The following ELMO1 variants were observed in gnomAD, a reference collection of about 807,000 sequenced individuals.
ELMO1 encodes the protein engulfment and cell motility 1, also known as engulfment and cell motility protein 1.
ELMO1 carries 26 observed loss-of-function variants against 98.9 expected under a neutral mutation model. The observed-to-expected ratio is 0.26, with a 90% CI of 0.19 to 0.36. The LOEUF is 0.36. ELMO1 is among the 10% of genes least tolerant of loss of function. ELMO1 has a pLI of 1.00. For missense variants in ELMO1, 627 were observed against 935.2 expected, an observed-to-expected ratio of 0.67 and a Z score of 4.30; for synonymous variants, 346 against 346.0, an observed-to-expected ratio of 1.00 and a Z score of 0.00.
chr7:37,262,740 G>A (rs1173728561), intron 5 of ELMO1, among the ~76,000 whole-genome samples: 1 of 152,210 alleles, frequency 6.6e-6, no homozygotes, highest in Non-Finnish European at 1.5e-5. Context: ...GGTGGCGAGG[G>A]GACCATGATG....
chr7:37,398,592 C>A (rs961866821), intron 1 of ELMO1, among the ~76,000 whole-genome samples: 1 of 152,170 alleles, frequency 6.6e-6, no homozygotes, highest in Admixed American at 6.5e-5. Context: ...AGGAAACTAA[C>A]GGGCTGAAGT....
At chr7:37,297,609 GA>G (rs1343293493) in intron 4 of ELMO1, among the ~76,000 whole-genome samples, 182 of 136,606 alleles carry the variant, frequency 1.3e-3, no homozygotes, top group Middle Eastern at 3.5e-3. Flanking sequence ...AGCACTGCTT[GA>G]AAAAAAAAAA....
intron 16 of ELMO1, among the ~76,000 whole-genome samples, chr7:36,962,375 C>T (rs1172454426): frequency 6.6e-6 from 1 of 152,096 alleles, no homozygotes; most frequent in Non-Finnish European, 1.5e-5. Flanking sequence ...CAGGGGAATG[C>T]ATCATGAGAT....
chr7:37,170,984 T>A (rs950687872), intron 13 of ELMO1, among the ~76,000 whole-genome samples: 6 of 152,166 alleles, frequency 3.9e-5, no homozygotes, highest in Non-Finnish European at 8.8e-5. Flanking sequence ...AAAATTCTTT[T>A]AAAACTATTT....
At chr7:37,116,460 G>A (rs1014171535) in intron 14 of ELMO1, among the ~76,000 whole-genome samples, 14 of 152,158 alleles carry the variant, frequency 9.2e-5, no homozygotes, top group African/African-American at 3.4e-4. Flanking sequence ...CTAAGATAGA[G>A]AAACCACAAC....
At chr7:37,053,277 T>C (rs947938996) in intron 15 of ELMO1, among the ~76,000 whole-genome samples, 1 of 140,434 alleles carries the variant, frequency 7.1e-6, no homozygotes, top group Non-Finnish European at 1.5e-5. Flanking sequence ...GGCATTTTCA[T>C]TTGTTAAAAC....
intron 17 of ELMO1, among the ~76,000 whole-genome samples, chr7:36,892,152 G>A (rs544283666): frequency 6.6e-6 from 1 of 152,276 alleles, no homozygotes; most frequent in East Asian, 1.9e-4. Context: ...TAACAACAGG[G>A]TGTATTGCTC....
chr7:37,133,006 A>G, intron 14 of ELMO1, 124 bp downstream of exon 14: 1 of 432,698 alleles, frequency 2.3e-6, no homozygotes, highest in Non-Finnish European at 3.7e-6. Flanking sequence ...TTTTTTTTTT[A>G]GTTTACTAAG....
chr7:36,910,533 A>G (rs561823835), intron 16 of ELMO1, among the ~76,000 whole-genome samples: 133 of 152,322 alleles, frequency 8.7e-4, no homozygotes, highest in Non-Finnish European at 1.5e-3. Context: ...GGCTCTAGTG[A>G]AAGATGGAAG....
intron 1 of ELMO1, among the ~76,000 whole-genome samples, chr7:37,360,945 C>CAT (rs10644185): frequency 0.93 from 141,817 of 152,148 alleles, 66,195 homozygotes; most frequent in Non-Finnish European, 0.96. Flanking sequence ...ATATTCACAA[C>CAT]ATTTTCAATG....
At chr7:37,307,130 G>A (rs370413529) in intron 4 of ELMO1, among the ~76,000 whole-genome samples, 1 of 152,166 alleles carries the variant, frequency 6.6e-6, no homozygotes, top group East Asian at 1.9e-4. Context: ...AAAGTCCTAT[G>A]CTAGGAGTGT....
At chr7:37,040,485 A>C (rs1011417410) in intron 15 of ELMO1, among the ~76,000 whole-genome samples, 3 of 152,168 alleles carry the variant, frequency 2.0e-5, no homozygotes, top group Non-Finnish European at 4.4e-5. Context: ...CAAAAATGTA[A>C]ACATAGGAGC....
Position 37,287,920 on chromosome 7 carries a change from G to A in ELMO1, c.193-16038C>T, listed in dbSNP as rs143289688. ...CTACAATGCTAGGGTCTGGCTCCCT[G>A]TTATCCTCCAGTCTTGGCTCAAATG... On this transcript the variant is annotated intron_variant, in intron 4 of 21. Transcript: ENST00000310758. 1.3e-3 allele frequency among the ~76,000 whole-genome samples: 196 copies of A among 152,250 alleles called. 1 individual carries two copies. Among genetic ancestry groups the A allele is most frequent in the African/African-American group, 4.6e-3 (190 of 41,556 alleles).
At chr7:36,957,841 C>T (rs138983853) in intron 16 of ELMO1, among the ~76,000 whole-genome samples, 3 of 152,296 alleles carry the variant, frequency 2.0e-5, no homozygotes, top group African/African-American at 7.2e-5. Flanking sequence ...TTCCCAAATA[C>T]CTCGCTTTGC....
intron 4 of ELMO1, among the ~76,000 whole-genome samples, chr7:37,272,680 GA>G (rs35128089): frequency 0.1 from 11,600 of 112,334 alleles, 520 homozygotes; most frequent in South Asian, 0.21. Flanking sequence ...CGTCTTAAAG[GA>G]AAAAAAAAAA....
intron 13 of ELMO1, among the ~76,000 whole-genome samples, chr7:37,150,867 C>G (rs1471738574): frequency 6.6e-6 from 1 of 152,128 alleles, no homozygotes; most frequent in Non-Finnish European, 1.5e-5. Context: ...TAGGGGTATG[C>G]CCACTGTTCT....
intron 2 of ELMO1, among the ~76,000 whole-genome samples, chr7:37,316,955 C>T (rs781367339): frequency 8.5e-5 from 13 of 152,132 alleles, no homozygotes; most frequent in Non-Finnish European, 1.0e-4. Flanking sequence ...TTGTTTGCAG[C>T]GTAAGTAACC....
intron 14 of ELMO1, among the ~76,000 whole-genome samples, chr7:37,101,515 A>G (rs1784640261): frequency 6.6e-6 from 1 of 152,218 alleles, no homozygotes; most frequent in Admixed American, 6.5e-5. Context: ...GCAGTTTTAC[A>G]GAAGCAGAAC....
chr7:36,855,366 G>T lies in ELMO1; in HGVS notation c.*185C>A. On this transcript the variant is annotated 3_prime_UTR_variant, in exon 22 of 22. Coordinates refer to ENST00000310758, the MANE Select transcript of ELMO1 (RefSeq NM_014800.11). The surrounding 1 kb of genome is among the most constrained non-coding windows in gnomAD (Gnocchi z 4.2). ...CAGTGGAGCCGAGGAACAGAATCAG[G>T]GCGGTGAGCAAGATGCCAGCTAGGG... 1.5e-6 allele frequency: 1 copy of T among 666,086 alleles called. No individual in the cohort carries two copies. The highest frequency in any genetic ancestry group is 2.6e-6 in the Non-Finnish European group (1 of 390,120). The allele number at this position is 666,086 out of a possible 1,614,324, so 41.3% of individuals were successfully genotyped here.
Sources: allele counts gnomAD v4.1 joint callset (sites outside exome capture counted in the v4.1 genomes callset), GRCh38; gene constraint gnomAD v4.1.1; non-coding constraint Gnocchi (gnomAD v3.1); transcripts MANE v1.5; gene names NCBI Gene and HGNC (gene_info 2026-07-23, HGNC 2026-07-21).